RBFOX1: variants seen among roughly 807,000 people sequenced by gnomAD.
RBFOX1 encodes the protein RNA binding protein fox-1 homolog 1.
RBFOX1 carries 8 observed loss-of-function variants against 57.7 expected under a neutral mutation model. The observed-to-expected ratio is 0.14, with a 90% CI of 0.08 to 0.25. RBFOX1 has a LOEUF of 0.25. RBFOX1 is among the 10% of genes least tolerant of loss of function. The probability of loss-of-function intolerance (pLI) is 1.00; values close to 1 mark genes in which losing one functional copy is unlikely to be tolerated. For synonymous variants in RBFOX1, 326 were observed against 222.4 expected, an observed-to-expected ratio of 1.47 and a Z score of -4.15; for missense variants, 611 against 548.5, an observed-to-expected ratio of 1.11 and a Z score of -1.14.
At chr16:6,879,523 A>T (rs2062495100) in intron 3 of RBFOX1, among the ~76,000 whole-genome samples, 1 of 152,198 alleles carries the variant, frequency 6.6e-6, no homozygotes, top group Non-Finnish European at 1.5e-5. Flanking sequence ...CTTGCTACAA[A>T]GTTAGGTTAA....
chr16:6,991,163 G>A (rs368732496), intron 3 of RBFOX1, among the ~76,000 whole-genome samples: 3,156 of 82,060 alleles, frequency 0.038, 120 homozygotes, highest in African/African-American at 0.12. Flanking sequence ...AAAAAAAAAA[G>A]ACACGGTGGC....
intron 4 of RBFOX1, among the ~76,000 whole-genome samples, chr16:7,357,700 G>T (rs530652674): frequency 5.3e-5 from 8 of 152,206 alleles, no homozygotes; most frequent in African/African-American, 1.9e-4. Flanking sequence ...CAGTTTTCTT[G>T]CCCTGCCCAT....
At chr16:7,407,375 T>TGG (rs1318330183) in intron 4 of RBFOX1, among the ~76,000 whole-genome samples, 5 of 15,856 alleles carry the variant, frequency 3.2e-4, no homozygotes, top group Non-Finnish European at 1.3e-3. Flanking sequence ...TTTGTATGGG[T>TGG]GTGTGTGTGT....
intron 2 of RBFOX1, among the ~76,000 whole-genome samples, chr16:5,569,212 G>A (rs558270068): frequency 6.6e-6 from 1 of 152,126 alleles, no homozygotes; most frequent in South Asian, 2.1e-4. Flanking sequence ...TCAGGGCATT[G>A]GTGGAGCCGG....
intron 4 of RBFOX1, among the ~76,000 whole-genome samples, chr16:5,986,579 T>TCA: frequency 6.6e-6 from 1 of 152,316 alleles, no homozygotes; most frequent in South Asian, 2.1e-4. Flanking sequence ...CACTGATTCG[T>TCA]TGTCTGTATC....
chr16:6,292,071 T>A (rs1160962541), intron 1 of RBFOX1, among the ~76,000 whole-genome samples: 1 of 152,136 alleles, frequency 6.6e-6, no homozygotes, highest in Non-Finnish European at 1.5e-5. Flanking sequence ...CTTTGCACTT[T>A]GACTTTAAAC....
chr16:7,062,881 C>A lies in RBFOX1; in HGVS notation c.27+10783C>A, dbSNP rs558728622. On this transcript the variant is annotated intron_variant, in intron 4 of 15. Coordinates refer to ENST00000550418, the MANE Select transcript of RBFOX1 (RefSeq NM_018723.4). ...GTCCCTTAAGCTACCTCATCTCATT[C>A]AAATGATCGCCATTTTTTTTTTTTT... Among the ~76,000 whole-genome samples the A allele has an allele frequency of 4.8e-4, 59 of 121,662 alleles. 1 individual carries two copies. Among genetic ancestry groups the A allele is most frequent in the African/African-American group, 1.7e-3 (56 of 32,562 alleles). The allele number at this position is 121,662 out of a possible 152,430, so 79.8% of individuals were successfully genotyped here. A position where few individuals can be genotyped will look rare whatever the true frequency, so the allele number is the denominator to read the frequency against.
At chr16:6,445,030 T>C (rs554148712) in intron 2 of RBFOX1, among the ~76,000 whole-genome samples, 1 of 152,034 alleles carries the variant, frequency 6.6e-6, no homozygotes, top group African/African-American at 2.4e-5. Flanking sequence ...CAGGAGATGA[T>C]GAGACCCTGT....
intron 2 of RBFOX1, among the ~76,000 whole-genome samples, chr16:6,623,713 C>A (rs565378850): frequency 2.6e-5 from 4 of 151,882 alleles, no homozygotes; most frequent in South Asian, 2.1e-4. Context: ...TTTGTCCTTG[C>A]GATAGTTTGC....
At chr16:7,282,729 C>A (rs983093393) in intron 4 of RBFOX1, among the ~76,000 whole-genome samples, 1 of 152,178 alleles carries the variant, frequency 6.6e-6, no homozygotes, top group African/African-American at 2.4e-5. Context: ...CCCCTCACCT[C>A]CTTCCCACCC....
At chr16:6,038,121 A>G (rs2095390710) in intron 1 of RBFOX1, 1 of 151,506 alleles carries the variant, frequency 6.6e-6, no homozygotes, top group African/African-American at 2.4e-5. Context: ...ACTTTTTCAT[A>G]TATACTTGCT....
chr16:5,856,537 A>ATG (rs774246673), intron 3 of RBFOX1, among the ~76,000 whole-genome samples: 2,194 of 70,292 alleles, frequency 0.031, 154 homozygotes, highest in East Asian at 0.12. Flanking sequence ...ATATATGTGT[A>ATG]TGTGTGTGTG....
At chr16:6,192,668 A>G (rs192737199) in intron 1 of RBFOX1, among the ~76,000 whole-genome samples, 48 of 152,306 alleles carry the variant, frequency 3.2e-4, no homozygotes, top group Admixed American at 2.7e-3. Context: ...GTAACTCTCA[A>G]TATGTGCTCT....
intron 1 of RBFOX1, among the ~76,000 whole-genome samples, chr16:6,132,137 G>A (rs1047928122): frequency 1.3e-5 from 2 of 152,210 alleles, no homozygotes; most frequent in Admixed American, 1.3e-4. Context: ...AGAAGAAAAT[G>A]TCTGACTGCC....
At chr16:7,326,834 G>T (rs2096618007) in intron 4 of RBFOX1, among the ~76,000 whole-genome samples, 1 of 152,142 alleles carries the variant, frequency 6.6e-6, no homozygotes, top group African/African-American at 2.4e-5. Flanking sequence ...TGATGACCTT[G>T]GAAACATAGG....
chr16:7,565,444 A>G (rs1294774785), intron 5 of RBFOX1, among the ~76,000 whole-genome samples: 1 of 152,186 alleles, frequency 6.6e-6, no homozygotes, highest in Non-Finnish European at 1.5e-5. Flanking sequence ...CTGAGCTTAC[A>G]GTACAATGTA....
At chr16:7,661,570 C>T (rs879040563) in intron 12 of RBFOX1, among the ~76,000 whole-genome samples, 3 of 152,202 alleles carry the variant, frequency 2.0e-5, no homozygotes, top group Admixed American at 2.0e-4. Context: ...ACCTCTGTTG[C>T]TGTCTCCTGC....
At chr16:7,309,630 A>G (rs896479997) in intron 4 of RBFOX1, among the ~76,000 whole-genome samples, 2 of 152,148 alleles carry the variant, frequency 1.3e-5, no homozygotes, top group East Asian at 1.9e-4. Flanking sequence ...AGTCTTTTTT[A>G]GGGTTTTCTG....
intron 1 of RBFOX1, among the ~76,000 whole-genome samples, chr16:5,342,857 C>G (rs576478744): frequency 6.2e-4 from 95 of 152,220 alleles, no homozygotes; most frequent in Non-Finnish European, 1.1e-3. Flanking sequence ...CATCTCTTTC[C>G]CTATTGTACA....
Sources: allele counts gnomAD v4.1 joint callset (sites outside exome capture counted in the v4.1 genomes callset), GRCh38; gene constraint gnomAD v4.1.1; transcripts MANE v1.5; gene names NCBI Gene and HGNC (gene_info 2026-07-23, HGNC 2026-07-21).